Variants in NUAK1 observed in about 807,000 individuals in gnomAD.
NUAK1 encodes the protein NUAK family SNF1-like kinase 1.
Under a neutral mutation model 56.9 loss-of-function variants are expected in NUAK1, and 26 were observed. The ratio of observed to expected loss-of-function variants is 0.46; its 90% CI spans 0.33 to 0.63. NUAK1 has a LOEUF of 0.63. NUAK1 is among the 30% of genes least tolerant of loss of function. The pLI, the probability that NUAK1 is intolerant of heterozygous loss-of-function variation, is 0.02. For synonymous variants in NUAK1, 337 were observed against 336.0 expected (o/e 1.00, Z -0.03); for missense variants, 727 against 876.1 (o/e 0.83, Z 2.15).
At chr12:106,098,735 G>A (rs1220354802) in intron 2 of NUAK1, among the ~76,000 whole-genome samples, 1 of 152,108 alleles carries the variant, frequency 6.6e-6, no homozygotes, top group East Asian at 1.9e-4. Flanking sequence ...TGCTAAAGAT[G>A]TTTGTTCTCA....
At chr12:106,119,858 C>T (rs2032955789) in intron 1 of NUAK1, among the ~76,000 whole-genome samples, 1 of 152,142 alleles carries the variant, frequency 6.6e-6, no homozygotes, top group South Asian at 2.1e-4. Context: ...GTTTTCACTA[C>T]CTTCAAGGAA....
At chr12:106,137,421 A>T (rs2033140070) in intron 1 of NUAK1, among the ~76,000 whole-genome samples, 1 of 152,194 alleles carries the variant, frequency 6.6e-6, no homozygotes, top group African/African-American at 2.4e-5. Context: ...ATCTGCTTCA[A>T]ATCAAAGAAC....
At chr12:106,104,718 G>A (rs1362751609) in intron 2 of NUAK1, among the ~76,000 whole-genome samples, 1 of 152,008 alleles carries the variant, frequency 6.6e-6, no homozygotes, top group Non-Finnish European at 1.5e-5. Flanking sequence ...ATCACCAAGG[G>A]CTCCAAAAAT....
rs201737796 is a variant in NUAK1 at position 106,073,995 on chromosome 12, ATATATG to A, written c.580-1158_580-1153del. On this transcript the variant is annotated intron_variant, in intron 4 of 6. Transcript: ENST00000261402. ...ATCATTTATGACAGCACTTTTACAT[ATATATG>A]TATATGTATATGTACACATATGTAC... Among the ~76,000 whole-genome samples, 540 of 152,184 alleles carry A rather than the reference ATATATG, an allele frequency of 3.5e-3. 8 individuals carry two copies. The highest frequency in any genetic ancestry group is 0.033 in the East Asian group (172 of 5,180).
At chr12:106,081,203 A>T (rs899891495) in intron 4 of NUAK1, among the ~76,000 whole-genome samples, 6 of 152,190 alleles carry the variant, frequency 3.9e-5, no homozygotes, top group African/African-American at 1.4e-4. Context: ...AAGCAAAGAC[A>T]CAATAATTTA....
At chr12:106,096,012 C>T (rs983860811) in intron 2 of NUAK1, among the ~76,000 whole-genome samples, 1 of 152,208 alleles carries the variant, frequency 6.6e-6, no homozygotes, top group Non-Finnish European at 1.5e-5. Flanking sequence ...ATATCCAAAT[C>T]CCCACTGTTG....
chr12:106,118,852 C>T (rs371924804), intron 1 of NUAK1, among the ~76,000 whole-genome samples: 2 of 152,302 alleles, frequency 1.3e-5, no homozygotes, highest in East Asian at 1.9e-4. Context: ...GAAGCCAGCC[C>T]GGCTCTAATG....
At chr12:106,103,001 A>T (rs1454495449) in intron 2 of NUAK1, among the ~76,000 whole-genome samples, 2 of 152,246 alleles carry the variant, frequency 1.3e-5, no homozygotes, top group Admixed American at 6.5e-5. Context: ...GACAAGCAAG[A>T]GCCTTGAGGG....
intron 6 of NUAK1, among the ~76,000 whole-genome samples, chr12:106,069,827 T>A (rs2032385760): frequency 6.6e-6 from 1 of 152,186 alleles, no homozygotes; most frequent in South Asian, 2.1e-4. Flanking sequence ...AGTATGTATA[T>A]AAATGAAGTG....
intron 1 of NUAK1, among the ~76,000 whole-genome samples, chr12:106,120,013 C>G (rs921746671): frequency 2.6e-5 from 4 of 152,060 alleles, no homozygotes; most frequent in African/African-American, 9.7e-5. Flanking sequence ...TCTATTATAA[C>G]TTATTAGTAT....
intron 1 of NUAK1, among the ~76,000 whole-genome samples, chr12:106,112,636 T>G (rs1205001020): frequency 6.6e-6 from 1 of 152,210 alleles, no homozygotes; most frequent in Non-Finnish European, 1.5e-5. Flanking sequence ...ACGGGCCCCA[T>G]GGGAACCAAG....
At chr12:106,112,444 C>G (rs779746005) in intron 1 of NUAK1, among the ~76,000 whole-genome samples, 8 of 152,136 alleles carry the variant, frequency 5.3e-5, no homozygotes, top group Non-Finnish European at 1.2e-4. Context: ...GAGGCCACAC[C>G]GGTCCAAAGC....
intron 2 of NUAK1, among the ~76,000 whole-genome samples, chr12:106,097,283 AC>A (rs368803923): frequency 1.6e-4 from 25 of 152,244 alleles, no homozygotes; most frequent in African/African-American, 5.3e-4. Context: ...ACAAATTTAT[AC>A]TCTTGCCCTA....
At chr12:106,130,216 C>T (rs930960632) in intron 1 of NUAK1, among the ~76,000 whole-genome samples, 1 of 152,164 alleles carries the variant, frequency 6.6e-6, no homozygotes, top group Non-Finnish European at 1.5e-5. Flanking sequence ...TCCCAACCTC[C>T]GGTGATCCAC....
chr12:106,093,814 G>C (rs905681042), intron 2 of NUAK1, among the ~76,000 whole-genome samples: 11 of 152,240 alleles, frequency 7.2e-5, no homozygotes, highest in Admixed American at 5.9e-4. Context: ...TTGTTTGTTT[G>C]TTGAGACAGG....
Position 106,067,868 on chromosome 12 carries a change from T to C in NUAK1, c.920A>G (p.Asn307Ser), listed in dbSNP as rs1439310511. The change falls in exon 7 of 7, where the codon AAC becomes AGC. Residue 307 changes from asparagine (N) to serine (S), a missense_variant. Physicochemically the swap from Asn to Ser is conservative, Grantham distance 46. Transcript: ENST00000261402. The surrounding 1 kb of genome is among the most constrained non-coding windows in gnomAD (Gnocchi z 6.0). ...IEDIANHWWV[N>S]WGYKSSVCDC... The stretch of plus-strand genomic sequence containing the variant: ...ACACACGCTGCTCTTATAGCCCCAG[T>C]TCACCCACCAGTGGTTGGCAATGTC... The C allele has an allele frequency of 3.1e-6, 5 of 1,614,078 alleles. No individual in the cohort carries two copies. The East Asian group carries it at 8.9e-5, about 29-fold the overall frequency.
At chr12:106,132,718 G>C (rs775896660) in intron 1 of NUAK1, among the ~76,000 whole-genome samples, 4 of 152,104 alleles carry the variant, frequency 2.6e-5, no homozygotes, top group Non-Finnish European at 5.9e-5. Flanking sequence ...CAAACAGATG[G>C]CTCACCAGAA....
chr12:106,090,750 G>A (rs1028290343), intron 2 of NUAK1, among the ~76,000 whole-genome samples: 4 of 152,104 alleles, frequency 2.6e-5, no homozygotes, highest in East Asian at 1.9e-4. Context: ...AGTGCTCAAC[G>A]AATGGAAGCT....
chr12:106,096,920 G>A (rs143919346), intron 2 of NUAK1, among the ~76,000 whole-genome samples: 48 of 152,310 alleles, frequency 3.2e-4, no homozygotes, highest in Non-Finnish European at 6.0e-4. Context: ...AACTCCTCAT[G>A]AGATTTTAAT....
Sources: gnomAD v4.1 joint callset for allele counts (sites outside exome capture counted in the v4.1 genomes callset) on GRCh38, gnomAD v4.1.1 for gene constraint, Gnocchi (gnomAD v3.1) non-coding constraint, MANE v1.5 for transcripts, NCBI Gene and HGNC (gene_info 2026-07-23, HGNC 2026-07-21) for gene names.